Variants in NPY2R observed in about 807,000 individuals in gnomAD.
NPY2R encodes the protein neuropeptide Y receptor type 2.
A neutral mutation model predicts 22.3 loss-of-function variants in NPY2R; 17 were observed. That is an observed-to-expected ratio of 0.76 (90% CI 0.52 to 1.14). The LOEUF is 1.14. Ranked by LOEUF, NPY2R falls within the 50% of genes most tolerant of loss-of-function variation. The pLI is 0.00. For missense variants in NPY2R, 424 were observed against 467.9 expected (o/e 0.91, Z 0.87); for synonymous variants, 209 against 183.4 (o/e 1.14, Z -1.13).
At chr4:155,184,902 A>G in the NPY2R span, among the ~76,000 whole-genome samples, 1 of 150,426 alleles carries the variant, frequency 6.6e-6, no homozygotes, top group Non-Finnish European at 1.5e-5. Flanking sequence ...GATACTATGG[A>G]AAAGATATAT....
the NPY2R span, among the ~76,000 whole-genome samples, chr4:155,201,281 T>C: frequency 2.0e-5 from 3 of 152,090 alleles, no homozygotes; most frequent in Admixed American, 2.0e-4. Context: ...GCCTTATAGT[T>C]TCTGCCTGGG....
the NPY2R span, chr4:155,174,060 T>C: frequency 6.6e-6 from 1 of 152,014 alleles, no homozygotes; most frequent in Non-Finnish European, 1.5e-5. Context: ...CTGCAGTTTT[T>C]TGACATCTGT....
At chr4:155,186,243 AT>A in the NPY2R span, among the ~76,000 whole-genome samples, 1 of 152,162 alleles carries the variant, frequency 6.6e-6, no homozygotes, top group African/African-American at 2.4e-5. Flanking sequence ...ATATAAAACA[AT>A]TTGTCAGACT....
the NPY2R span, among the ~76,000 whole-genome samples, chr4:155,176,672 T>C: frequency 6.6e-6 from 1 of 152,082 alleles, no homozygotes; most frequent in African/African-American, 2.4e-5. Flanking sequence ...CCTTGTGTAG[T>C]AGTCTGTTCA....
At chr4:155,186,630 T>A in the NPY2R span, among the ~76,000 whole-genome samples, 2 of 152,116 alleles carry the variant, frequency 1.3e-5, no homozygotes, top group Non-Finnish European at 2.9e-5. Flanking sequence ...TCTTAATAAT[T>A]TTCATGTATA....
the NPY2R span, among the ~76,000 whole-genome samples, chr4:155,177,474 A>G: frequency 6.6e-6 from 1 of 150,902 alleles, no homozygotes; most frequent in Non-Finnish European, 1.5e-5. Context: ...ACCTCTGGAC[A>G]CACTGGGGTC....
chr4:155,212,729 G>A (rs761841935), intron 1 of NPY2R, among the ~76,000 whole-genome samples: 5 of 152,202 alleles, frequency 3.3e-5, no homozygotes, highest in Middle Eastern at 3.2e-3. Flanking sequence ...TTGTAGAAAC[G>A]ATGAGAAAAT....
chr4:155,209,588 A>C (rs1411794735), intron 1 of NPY2R, among the ~76,000 whole-genome samples: 1 of 152,164 alleles, frequency 6.6e-6, no homozygotes, highest in Non-Finnish European at 1.5e-5. Context: ...TTTCCAAAGA[A>C]AGGCTTCCCA....
chr4:155,191,813 C>T, the NPY2R span, among the ~76,000 whole-genome samples: 1 of 151,862 alleles, frequency 6.6e-6, no homozygotes, highest in Non-Finnish European at 1.5e-5. Context: ...TTTAACTAGA[C>T]TTTAAGCCCT....
the NPY2R span, among the ~76,000 whole-genome samples, chr4:155,193,306 G>A: frequency 2.0e-5 from 3 of 151,968 alleles, no homozygotes; most frequent in East Asian, 1.9e-4. Flanking sequence ...TTGCCCAGAA[G>A]CCTAATGGCT....
At chr4:155,194,037 T>A in the NPY2R span, among the ~76,000 whole-genome samples, 1 of 151,908 alleles carries the variant, frequency 6.6e-6, no homozygotes, top group Non-Finnish European at 1.5e-5. Flanking sequence ...CTGCTTAGCA[T>A]GTTAATGGAC....
the NPY2R span, among the ~76,000 whole-genome samples, chr4:155,187,155 C>T: frequency 1.6e-4 from 25 of 152,298 alleles, no homozygotes; most frequent in African/African-American, 5.1e-4. Flanking sequence ...TGCAGGCACA[C>T]AGCTTGCAGC....
At chr4:155,190,209 T>C in the NPY2R span, among the ~76,000 whole-genome samples, 58 of 152,166 alleles carry the variant, frequency 3.8e-4, no homozygotes, top group African/African-American at 1.3e-3. Flanking sequence ...AGGTATACCT[T>C]TCTGATGCTC....
the NPY2R span, among the ~76,000 whole-genome samples, chr4:155,176,578 C>T: frequency 3.9e-5 from 6 of 152,148 alleles, no homozygotes; most frequent in Non-Finnish European, 7.3e-5. Flanking sequence ...GGTGCAGCCA[C>T]CATATTAGGA....
chr4:155,208,519 C>T (rs912396069), upstream of NPY2R: 1 of 152,412 alleles, frequency 6.6e-6, no homozygotes, highest in African/African-American at 2.4e-5. This position sits in a 1 kb window ranked among gnomAD's most constrained non-coding sequence, Gnocchi z 5.6. Context: ...GAGTATCAAA[C>T]TTGGGGGTGG....
the NPY2R span, among the ~76,000 whole-genome samples, chr4:155,201,185 C>T: frequency 6.6e-6 from 1 of 151,932 alleles, no homozygotes; most frequent in African/African-American, 2.4e-5. Context: ...TCCTCTTCTC[C>T]CTTTGTATAT....
At chr4:155,184,228 A>T in the NPY2R span, among the ~76,000 whole-genome samples, 1 of 152,076 alleles carries the variant, frequency 6.6e-6, no homozygotes, top group African/African-American at 2.4e-5. Context: ...AGCCTCAAAC[A>T]ATTTCTCCTT....
At chr4:155,198,445 T>A in the NPY2R span, among the ~76,000 whole-genome samples, 1 of 147,668 alleles carries the variant, frequency 6.8e-6, no homozygotes, top group Non-Finnish European at 1.5e-5. Context: ...TTAAAAGTTA[T>A]ATATAAAACA....
At chr4:155,207,249 G>T (rs372645902), upstream of NPY2R, 2 of 152,124 alleles carry the variant, frequency 1.3e-5, no homozygotes, top group Admixed American at 1.3e-4. Flanking sequence ...TCCATTTGAG[G>T]GAAGCCTTTA....
Sources: allele counts gnomAD v4.1 joint callset (sites outside exome capture counted in the v4.1 genomes callset), GRCh38; gene constraint gnomAD v4.1.1; non-coding constraint Gnocchi (gnomAD v3.1); transcripts MANE v1.5; gene names NCBI Gene and HGNC (gene_info 2026-07-23, HGNC 2026-07-21).